SLC39A11: variants seen among roughly 807,000 people sequenced by gnomAD.
SLC39A11 encodes zinc transporter ZIP11.
SLC39A11 carries 33 observed loss-of-function variants against 36.1 expected under a neutral mutation model. That is an observed-to-expected ratio of 0.91 (90% CI 0.69 to 1.22). The LOEUF (loss-of-function observed/expected upper bound fraction) is 1.22. Ranked by LOEUF, SLC39A11 falls within the 50% of genes most tolerant of loss-of-function variation. The pLI, the probability that SLC39A11 is intolerant of heterozygous loss-of-function variation, is 0.00. For missense variants in SLC39A11, 432 were observed against 430.3 expected, an observed-to-expected ratio of 1.00 and a Z score of -0.03; for synonymous variants, 166 against 170.3, an observed-to-expected ratio of 0.97 and a Z score of 0.20.
In SLC39A11 at chr17:72,944,994, T is replaced by C. The variant is rs564784795; in HGVS notation, c.430+2758A>G. Among the ~76,000 whole-genome samples, 17 of 152,224 alleles carry C rather than the reference T, an allele frequency of 1.1e-4. No individual in the cohort carries two copies. The East Asian group carries it at 1.4e-3, about 12-fold the overall frequency. ...AGGGATTTGAAGGTGGAAGAAAAAT[T>C]ACTTTTAACCGATGTCATTATATTT... On this transcript the variant is annotated intron_variant, in intron 5 of 9. Coordinates refer to ENST00000255559, the MANE Select transcript of SLC39A11 (RefSeq NM_139177.4).
chr17:72,959,325 GTATATATA>G (rs1186282631), intron 4 of SLC39A11, among the ~76,000 whole-genome samples: 3,925 of 65,548 alleles, frequency 0.06, 145 homozygotes, highest in East Asian at 0.11. Context: ...GTGTGTGTGT[GTATATATA>G]TATATATATA....
At chr17:72,767,994 G>C (rs1002265712) in intron 6 of SLC39A11, among the ~76,000 whole-genome samples, 3 of 152,010 alleles carry the variant, frequency 2.0e-5, no homozygotes, top group Admixed American at 2.0e-4. Flanking sequence ...GGTGGGGGTG[G>C]CTAGGCTTGC....
At position 73,078,477 on chromosome 17, in the gene SLC39A11, G is replaced by GT. The variant is rs1169925282; in HGVS notation, c.147+6330dup. On this transcript the variant is annotated intron_variant, in intron 3 of 9. Coordinates refer to ENST00000255559, the MANE Select transcript of SLC39A11 (RefSeq NM_139177.4). ...AATAAAACTGTTTCATTAGTCTTTTGTTTGTTTGTTTTTTGTTGTTTTTTT... is the reference window on the plus strand; with the variant it reads ...AATAAAACTGTTTCATTAGTCTTTTGTTTTGTTTGTTTTTTGTTGTTTTTTT... Among the ~76,000 whole-genome samples, 7 of 147,542 alleles carry GT rather than the reference G, an allele frequency of 4.7e-5. No homozygotes were observed. The East Asian group carries it at 1.4e-3, about 29-fold the overall frequency.
chr17:72,762,232 G>A (rs2075609825), intron 6 of SLC39A11, among the ~76,000 whole-genome samples: 1 of 152,200 alleles, frequency 6.6e-6, no homozygotes, highest in African/African-American at 2.4e-5. Context: ...GGTCGTAAAG[G>A]CCTTGCTGAC....
At chr17:72,683,707 T>G (rs2071612916) in intron 7 of SLC39A11, among the ~76,000 whole-genome samples, 1 of 151,490 alleles carries the variant, frequency 6.6e-6, no homozygotes, top group Non-Finnish European at 1.5e-5. Context: ...CAACCAAGAG[T>G]CAAAGGGTTG....
intron 6 of SLC39A11, among the ~76,000 whole-genome samples, chr17:72,833,113 T>C (rs2078358603): frequency 6.6e-6 from 1 of 152,234 alleles, no homozygotes; most frequent in Non-Finnish European, 1.5e-5. Flanking sequence ...GATTACTTTA[T>C]TCCCTCTTGC....
intron 5 of SLC39A11, among the ~76,000 whole-genome samples, chr17:72,861,647 AT>A (rs1226610489): frequency 9.5e-6 from 1 of 105,246 alleles, no homozygotes; most frequent in African/African-American, 3.9e-5. Context: ...CACCATCTAT[AT>A]ACAACACATT....
At chr17:72,700,839 T>C (rs1190074819) in intron 7 of SLC39A11, among the ~76,000 whole-genome samples, 1 of 152,026 alleles carries the variant, frequency 6.6e-6, no homozygotes, top group South Asian at 2.1e-4. Flanking sequence ...AACCATCAGA[T>C]CTCCTGAGAC....
At chr17:72,951,459 T>C (rs943474782) in intron 4 of SLC39A11, among the ~76,000 whole-genome samples, 3 of 152,100 alleles carry the variant, frequency 2.0e-5, no homozygotes, top group Non-Finnish European at 2.9e-5. Context: ...ACGCATCCCA[T>C]AGATTTCTGT....
intron 3 of SLC39A11, among the ~76,000 whole-genome samples, chr17:73,059,461 G>A (rs996838999): frequency 5.9e-5 from 9 of 152,094 alleles, no homozygotes; most frequent in African/African-American, 2.2e-4. Flanking sequence ...GAGGTCAGGA[G>A]TTCGAGACCA....
At chr17:72,933,602 C>T (rs1190053455) in intron 5 of SLC39A11, among the ~76,000 whole-genome samples, 2 of 152,130 alleles carry the variant, frequency 1.3e-5, no homozygotes, top group Non-Finnish European at 1.5e-5. Flanking sequence ...TCACTGCAAC[C>T]TCCGCCTCCC....
chr17:72,854,993 A>G (rs2146102585), intron 5 of SLC39A11, among the ~76,000 whole-genome samples: 1 of 152,348 alleles, frequency 6.6e-6, no homozygotes, highest in African/African-American at 2.4e-5. Context: ...AGGGGCCATC[A>G]GCAAACCCTG....
At chr17:72,941,108 C>CA (rs201096470) in intron 5 of SLC39A11, among the ~76,000 whole-genome samples, 1,725 of 151,896 alleles carry the variant, frequency 0.011, 32 homozygotes, top group African/African-American at 0.036. Context: ...GCCATCTCTA[C>CA]AAAAAAATAC....
At chr17:72,734,460 G>A (rs1425249731) in intron 7 of SLC39A11, among the ~76,000 whole-genome samples, 2 of 152,144 alleles carry the variant, frequency 1.3e-5, no homozygotes, top group Non-Finnish European at 1.5e-5. Flanking sequence ...GGGGCATATG[G>A]ACCCTCCAGT....
In SLC39A11 at chr17:72,646,342, T is replaced by C. The variant is rs1305911778; in HGVS notation, c.*1242A>G. On this transcript the variant is annotated 3_prime_UTR_variant, in exon 10 of 10. Coordinates refer to ENST00000255559, the MANE Select transcript of SLC39A11 (RefSeq NM_139177.4). The stretch of plus-strand genomic sequence containing the variant: ...AAGTCTCACGTGTGCCTTTAACCAA[T>C]GAGGATGGCAGGCCTTATCTGTGTT... 2.0e-5 allele frequency: 3 copies of C among 152,404 alleles called. No homozygotes were observed. The highest frequency in any genetic ancestry group is 7.2e-5 in the African/African-American group (3 of 41,450). 9.4% of individuals were successfully genotyped at this position (152,404 alleles called of 1,614,324 possible).
At chr17:72,883,788 T>C (rs1282747085) in intron 5 of SLC39A11, among the ~76,000 whole-genome samples, 3 of 152,098 alleles carry the variant, frequency 2.0e-5, no homozygotes, top group African/African-American at 7.2e-5. Context: ...ATGCAATCTG[T>C]ATAATATCAT....
chr17:72,652,979 C>A (rs2143886806), intron 7 of SLC39A11, among the ~76,000 whole-genome samples: 1 of 152,296 alleles, frequency 6.6e-6, no homozygotes, highest in East Asian at 1.9e-4. Flanking sequence ...CCAGACCCCC[C>A]TGAGCCCCAG....
intron 7 of SLC39A11, among the ~76,000 whole-genome samples, chr17:72,668,250 T>A (rs990770591): frequency 2.6e-5 from 4 of 151,676 alleles, no homozygotes; most frequent in Non-Finnish European, 5.9e-5. Flanking sequence ...CACTGGCTTC[T>A]AGCACATACC....
chr17:72,681,654 C>T (rs536321111), intron 7 of SLC39A11, among the ~76,000 whole-genome samples: 3 of 152,302 alleles, frequency 2.0e-5, no homozygotes, highest in African/African-American at 7.2e-5. Flanking sequence ...TTGAGCAACA[C>T]AGGTTTGAAC....
Sources: gnomAD v4.1 joint callset for allele counts (sites outside exome capture counted in the v4.1 genomes callset) on GRCh38, gnomAD v4.1.1 for gene constraint, MANE v1.5 for transcripts, NCBI Gene and HGNC (gene_info 2026-07-23, HGNC 2026-07-21) for gene names.